SERGEF: variants seen among roughly 807,000 people sequenced by gnomAD.
The protein encoded by SERGEF is secretion-regulating guanine nucleotide exchange factor.
In SERGEF, 51 loss-of-function variants were observed where a neutral mutation model predicts 50.0. The ratio of observed to expected loss-of-function variants is 1.02; its 90% confidence interval spans 0.81 to 1.29. The LOEUF (loss-of-function observed/expected upper bound fraction) is 1.29, where lower values mean the gene tolerates loss of function less well. SERGEF is among the 50% of genes most tolerant of loss of function. SERGEF has a pLI of 0.00. For synonymous variants in SERGEF, 205 were observed against 212.4 expected, an observed-to-expected ratio of 0.97 and a Z score of 0.30; for missense variants, 521 against 557.0, an observed-to-expected ratio of 0.94 and a Z score of 0.65.
chr11:17,974,096 G>A (rs947339448), intron 8 of SERGEF, among the ~76,000 whole-genome samples: 2 of 152,150 alleles, frequency 1.3e-5, no homozygotes, highest in African/African-American at 4.8e-5. Context: ...TGGCCTCATG[G>A]TATGGAAAAG....
intron 9 of SERGEF, among the ~76,000 whole-genome samples, chr11:17,889,058 G>C (rs1278152755): frequency 6.6e-6 from 1 of 152,172 alleles, no homozygotes; most frequent in African/African-American, 2.4e-5. Context: ...TAGGGAAGCA[G>C]GGAAAGCTCT....
intron 10 of SERGEF, among the ~76,000 whole-genome samples, chr11:17,818,373 T>A (rs1850018623): frequency 6.6e-6 from 1 of 152,164 alleles, no homozygotes; most frequent in South Asian, 2.1e-4. Context: ...AAAAATGAAG[T>A]AGGAAATTTT....
chr11:17,973,433 G>A (rs1227231256), intron 8 of SERGEF, among the ~76,000 whole-genome samples: 4 of 152,180 alleles, frequency 2.6e-5, no homozygotes, highest in Non-Finnish European at 1.5e-5. Flanking sequence ...TGCATCCTTG[G>A]TTTCCAAAGA....
intron 10 of SERGEF, among the ~76,000 whole-genome samples, chr11:17,814,049 T>C (rs888260043): frequency 6.6e-6 from 1 of 152,196 alleles, no homozygotes; most frequent in Non-Finnish European, 1.5e-5. Flanking sequence ...ACCTCAGCAA[T>C]GACTTTAAAA....
At chr11:17,915,379 C>T (rs1852030593) in intron 9 of SERGEF, among the ~76,000 whole-genome samples, 1 of 152,152 alleles carries the variant, frequency 6.6e-6, no homozygotes, top group African/African-American at 2.4e-5. Context: ...TGAGCTCAAC[C>T]TCCCCTTTTT....
intron 8 of SERGEF, among the ~76,000 whole-genome samples, chr11:17,980,919 T>C (rs1284131588): frequency 6.6e-6 from 1 of 152,256 alleles, no homozygotes; most frequent in Non-Finnish European, 1.5e-5. Flanking sequence ...AAGATTATTA[T>C]GTAAACGTAT....
At chr11:17,997,454 G>A (rs1183382603) in intron 5 of SERGEF, among the ~76,000 whole-genome samples, 1 of 152,140 alleles carries the variant, frequency 6.6e-6, no homozygotes, top group African/African-American at 2.4e-5. Flanking sequence ...CAACCTCTGT[G>A]GCAAATAGTA....
intron 10 of SERGEF, among the ~76,000 whole-genome samples, chr11:17,806,888 C>A (rs553744944): frequency 6.6e-6 from 1 of 151,530 alleles, no homozygotes; most frequent in Non-Finnish European, 1.5e-5. Context: ...AATTGTGTAC[C>A]CCATCTACAC....
chr11:17,828,955 A>G lies in SERGEF; in HGVS notation c.1049-40542T>C, dbSNP rs189346377. On this transcript the variant is annotated intron_variant, in intron 10 of 10. Coordinates refer to ENST00000265965, the MANE Select transcript of SERGEF (RefSeq NM_012139.4). ...AGTGTCTGGCATAAAGTCAGGGTTCAGCCTGTGAGCTCCCCGTTAACTCTT... is the reference window on the plus strand; with the variant it reads ...AGTGTCTGGCATAAAGTCAGGGTTCGGCCTGTGAGCTCCCCGTTAACTCTT... Among the ~76,000 whole-genome samples the G allele has an allele frequency of 2.0e-3, 303 of 152,342 alleles. 1 individual carries two copies. The highest frequency in any genetic ancestry group is 4.2e-3 in the Admixed American group (65 of 15,300).
At chr11:17,971,718 T>G (rs1433037467) in intron 8 of SERGEF, among the ~76,000 whole-genome samples, 1 of 152,220 alleles carries the variant, frequency 6.6e-6, no homozygotes, top group African/African-American at 2.4e-5. Context: ...AGTCCAAGGA[T>G]CAAGGAGTCA....
chr11:17,959,463 T>C lies in SERGEF; in HGVS notation c.1011+7A>G. On this transcript the variant is annotated splice_region_variant and intron_variant, in intron 9 of 10. Coordinates refer to ENST00000265965, the MANE Select transcript of SERGEF (RefSeq NM_012139.4). ...ACAGATTACATCTGTGAGAAGTCAC[T>C]TCCTACCTCAGTTGCTCCAGTTAAG... 1 of 1,611,998 alleles carries C rather than the reference T, an allele frequency of 6.2e-7. No individual in the cohort carries two copies. Among genetic ancestry groups the C allele is most frequent in the Non-Finnish European group, 8.5e-7 (1 of 1,179,032 alleles).
chr11:17,816,859 G>C (rs1291362192), intron 10 of SERGEF, among the ~76,000 whole-genome samples: 1 of 152,148 alleles, frequency 6.6e-6, no homozygotes, highest in African/African-American at 2.4e-5. Context: ...AATGGGGCTG[G>C]AATGTGGTGA....
At chr11:17,868,227 C>T (rs918429267) in intron 10 of SERGEF, among the ~76,000 whole-genome samples, 6 of 152,182 alleles carry the variant, frequency 3.9e-5, no homozygotes, top group Non-Finnish European at 5.9e-5. Flanking sequence ...TTTAACAGTG[C>T]CCAAGTCACC....
rs548188257 is a variant in SERGEF at position 17,833,926 on chromosome 11, G to C, written c.1048+44282C>G. Among the ~76,000 whole-genome samples, 6 of 152,284 alleles carry C rather than the reference G, an allele frequency of 3.9e-5. No homozygotes were observed. The East Asian group carries it at 7.7e-4, about 20-fold the overall frequency. On this transcript the variant is annotated intron_variant, in intron 10 of 10. Coordinates refer to ENST00000265965, the MANE Select transcript of SERGEF (RefSeq NM_012139.4). Reference sequence around the variant, plus strand: ...ACTCATAGGCAGAAGGGACTTGCCTGGTCTCGGATGAGACTCTGGACTGTG... The same window carrying C: ...ACTCATAGGCAGAAGGGACTTGCCTCGTCTCGGATGAGACTCTGGACTGTG...
At chr11:17,915,370 G>A (rs1402358265) in intron 9 of SERGEF, among the ~76,000 whole-genome samples, 1 of 152,138 alleles carries the variant, frequency 6.6e-6, no homozygotes, top group Non-Finnish European at 1.5e-5. Context: ...TGAGATTACT[G>A]AGCTCAACCT....
intron 9 of SERGEF, among the ~76,000 whole-genome samples, chr11:17,946,661 C>A (rs562670548): frequency 3.9e-5 from 6 of 152,318 alleles, no homozygotes; most frequent in African/African-American, 1.4e-4. Context: ...GCAGAAATTT[C>A]ACCTTGAGGG....
At chr11:17,921,634 A>G (rs1373838617) in intron 9 of SERGEF, among the ~76,000 whole-genome samples, 1 of 152,222 alleles carries the variant, frequency 6.6e-6, no homozygotes, top group Non-Finnish European at 1.5e-5. Flanking sequence ...AAACATAGAC[A>G]AAAAGGGCTA....
chr11:17,798,325 A>G (rs1451929494), intron 10 of SERGEF, among the ~76,000 whole-genome samples: 1 of 152,072 alleles, frequency 6.6e-6, no homozygotes, highest in Admixed American at 6.5e-5. Context: ...GCTCCTCTCA[A>G]CCACCCCCTG....
intron 9 of SERGEF, among the ~76,000 whole-genome samples, chr11:17,924,098 C>A: frequency 6.6e-6 from 1 of 152,168 alleles, no homozygotes; most frequent in East Asian, 1.9e-4. Flanking sequence ...TTATCCCAAT[C>A]CCTGACTGAG....
Sources: allele counts gnomAD v4.1 joint callset (sites outside exome capture counted in the v4.1 genomes callset), GRCh38; gene constraint gnomAD v4.1.1; transcripts MANE v1.5; gene names NCBI Gene and HGNC (gene_info 2026-07-23, HGNC 2026-07-21).